AMER3: variants seen among roughly 807,000 people sequenced by gnomAD.
The protein encoded by AMER3 is APC membrane recruitment protein 3, also known as family with sequence similarity 123C.
For missense variants in AMER3, 1,201 were observed against 1,139.4 expected, an observed-to-expected ratio of 1.05 and a Z score of -0.78; for synonymous variants, 541 against 485.5, an observed-to-expected ratio of 1.11 and a Z score of -1.50.
chr2:130,763,039 G>C lies in AMER3; in HGVS notation c.967G>C (p.Ala323Pro). The C allele has an allele frequency of 4.3e-6, 7 of 1,613,134 alleles. No homozygotes were observed. The highest frequency in any genetic ancestry group is 5.9e-6 in the Non-Finnish European group (7 of 1,179,928). ...TCGCTCAGTGCGTCAGCAGCAGCGT[G>C]CCCTCCTAGGCCCGTGGCTTTCAGG... is the stretch of plus-strand genomic sequence containing the variant. The part of the protein sequence containing the change: ...VNRSVRQQQR[A>P]LLGPWLSGPQ... The change falls in exon 2 of 2, where the codon GCC (alanine) becomes CCC (proline). Residue 323 changes from alanine to proline, a missense_variant. By Grantham distance (27) the Ala-to-Pro change is conservative (BLOSUM62 -1). Transcript: ENST00000321420.
At chr2:130,756,331 G>A (rs1016805415) in intron 1 of AMER3, 2 of 150,870 alleles carry the variant, frequency 1.3e-5, no homozygotes, top group African/African-American at 2.4e-5. Context: ...GCTCCGACGC[G>A]GTGCCCGAGC....
chr2:130,762,686 G>A lies in AMER3; in HGVS notation c.614G>A (p.Gly205Asp). 6.2e-7 allele frequency: 1 copy of A among 1,611,406 alleles called. No individual in the cohort carries two copies. The highest frequency in any genetic ancestry group is 8.5e-7 in the Non-Finnish European group (1 of 1,179,832). The change falls in exon 2 of 2, where the codon GGT becomes GAT. Residue 205 changes from glycine (G) to aspartate (D), a missense_variant. Coordinates refer to ENST00000321420, the MANE Select transcript of AMER3 (RefSeq NM_152698.3). ...GRRSKAFLPPGEGPGLDGLCQ... is the reference protein window; with the variant it reads ...GRRSKAFLPPDEGPGLDGLCQ... ...CGAAGCAAAGCCTTCCTCCCCCCGG[G>A]TGAGGGGCCGGGGCTGGACGGCCTG...
At position 130,764,412 on chromosome 2, in the gene AMER3, G is replaced by C. The variant is rs368377961; in HGVS notation, c.2340G>C (p.Glu780Asp). 1.2e-4 allele frequency: 195 copies of C among 1,611,466 alleles called. 1 individual carries two copies. The highest frequency in any genetic ancestry group is 9.5e-4 in the South Asian group (86 of 90,792). Residue 780 changes from glutamate to aspartate, a missense_variant, in exon 2 of 2, where the codon GAG (glutamate) becomes GAC (aspartate). Physicochemically the swap from Glu to Asp is conservative, Grantham distance 45. Transcript: ENST00000321420. ...VEDQPLQLST[E>D]AVEQVAHGSQ... is the part of the protein sequence containing the mutation. ...ACCAGCCCTTGCAGCTCAGCACAGA[G>C]GCTGTGGAGCAGGTGGCACACGGCA...
In AMER3 at chr2:130,763,492, C is replaced by G; in HGVS notation, c.1420C>G (p.Pro474Ala). 1 of 1,612,468 alleles carries G rather than the reference C, an allele frequency of 6.2e-7. No homozygotes were observed. The highest frequency in any genetic ancestry group is 8.5e-7 in the Non-Finnish European group (1 of 1,179,638). Residue 474 changes from proline (P) to alanine (A), a missense_variant, in exon 2 of 2, where the codon CCA (proline) becomes GCA (alanine). Physicochemically the swap from Pro to Ala is conservative, Grantham distance 27 (BLOSUM62 -1). Transcript: ENST00000321420. ...GGCCGAGGAGAACTTGGCCCCAGCACCAGGCCCTGACCTGCTCAGCCAGGG... is the reference window on the plus strand; with the variant it reads ...GGCCGAGGAGAACTTGGCCCCAGCAGCAGGCCCTGACCTGCTCAGCCAGGG... Reference protein sequence around the residue: ...VGAEENLAPAPGPDLLSQGFL... With the variant: ...VGAEENLAPAAGPDLLSQGFL...
At chr2:130,756,598 C>T (rs1020303387) in intron 1 of AMER3, among the ~76,000 whole-genome samples, 2 of 152,108 alleles carry the variant, frequency 1.3e-5, no homozygotes, top group Non-Finnish European at 2.9e-5. Context: ...AGCGGAGAAA[C>T]CCTCCGCCGG....
In AMER3 at chr2:130,763,955, G is replaced by C. The variant is rs749936869; in HGVS notation, c.1883G>C (p.Gly628Ala). 58 of 1,613,654 alleles carry C rather than the reference G, an allele frequency of 3.6e-5. No individual in the cohort carries two copies. The Middle Eastern group carries it at 4.4e-3, about 124-fold the overall frequency. ...GCCACTTCGACAACAGATACTTCCG[G>C]TAAAAATAAGGCCCCAGTTCCTTCT... ...SAATSTTDTS[G>A]KNKAPVPSTW... The change falls in exon 2 of 2, where the codon GGT (glycine) becomes GCT (alanine). Residue 628 changes from glycine to alanine, a missense_variant. Coordinates refer to ENST00000321420, the MANE Select transcript of AMER3 (RefSeq NM_152698.3).
intron 1 of AMER3, among the ~76,000 whole-genome samples, chr2:130,760,035 T>C (rs190993958): frequency 2.0e-5 from 3 of 151,892 alleles, no homozygotes; most frequent in Non-Finnish European, 4.4e-5. Flanking sequence ...TTGTGCAGAG[T>C]AGAAAGTCTG....
Position 130,762,312 on chromosome 2 carries a change from C to T in AMER3, c.240C>T (p.Ala80=), listed in dbSNP as rs755353161. 2.5e-6 allele frequency: 4 copies of T among 1,606,806 alleles called. No homozygotes were observed. Among genetic ancestry groups the T allele is most frequent in the Non-Finnish European group, 2.5e-6 (3 of 1,177,204 alleles). Reference sequence around the variant, plus strand: ...TGGACCCCAAAGGGGGACCCGCAGCCCTCTGTGGAGCCACCTTCAAACCGG... The same window carrying T: ...TGGACCCCAAAGGGGGACCCGCAGCTCTCTGTGGAGCCACCTTCAAACCGG... ...AQLDPKGGPA[A]LCGATFKPVR... is the part of the protein sequence containing the mutation. The change falls in exon 2 of 2, where the codon GCC becomes GCT. Residue 80 remains alanine, a synonymous_variant. Transcript: ENST00000321420.
At position 130,763,479 on chromosome 2, in the gene AMER3, C is replaced by T; in HGVS notation, c.1407C>T (p.Asn469=). ...ICSFRVGAEE[N]LAPAPGPDLL... The stretch of plus-strand genomic sequence containing the variant: ...GCTTCCGAGTGGGGGCCGAGGAGAA[C>T]TTGGCCCCAGCACCAGGCCCTGACC... Residue 469 remains asparagine (N), a synonymous_variant, in exon 2 of 2, where the codon AAC becomes AAT. Transcript: ENST00000321420. 6.2e-7 allele frequency: 1 copy of T among 1,612,600 alleles called. No homozygotes were observed. Among genetic ancestry groups the T allele is most frequent in the Non-Finnish European group, 8.5e-7 (1 of 1,179,664 alleles).
At chr2:130,761,029 C>T (rs576900546) in intron 1 of AMER3, among the ~76,000 whole-genome samples, 1 of 152,300 alleles carries the variant, frequency 6.6e-6, no homozygotes, top group South Asian at 2.1e-4. Context: ...TGCTCCCCAT[C>T]CTCAGTCCAT....
In AMER3 at chr2:130,765,742, C is replaced by A. The variant is rs1261391682; in HGVS notation, c.*1084C>A. On this transcript the variant is annotated 3_prime_UTR_variant, in exon 2 of 2. Transcript: ENST00000321420. ...GCAGTGGAAGAAAAGCCTGTCCCAG[C>A]TCTGAGAGAGAGACCAGTTTGCCTT... 1.8e-5 allele frequency: 3 copies of A among 167,100 alleles called. No homozygotes were observed. Among genetic ancestry groups the A allele is most frequent in the Non-Finnish European group, 4.4e-5 (3 of 68,164 alleles). The allele number at this position is 167,100 out of a possible 1,614,324, so 10.4% of individuals were successfully genotyped here.
chr2:130,759,560 T>A (rs1678716548), intron 1 of AMER3, among the ~76,000 whole-genome samples: 1 of 152,238 alleles, frequency 6.6e-6, no homozygotes. Context: ...CAAAATTTCC[T>A]GCCATAGGAA....
At position 130,763,796 on chromosome 2, in the gene AMER3, C is replaced by T. The variant is rs1387376263; in HGVS notation, c.1724C>T (p.Thr575Ile). Reference sequence around the variant, plus strand: ...GAGCTGTGGGCACACCCGGGCACCACAGGCCTGCTCGCCGGAGAGAGCAAG... The same window carrying T: ...GAGCTGTGGGCACACCCGGGCACCATAGGCCTGCTCGCCGGAGAGAGCAAG... ...RQELWAHPGT[T>I]GLLAGESKAL... Residue 575 changes from threonine (T) to isoleucine (I), a missense_variant, in exon 2 of 2, where the codon ACA becomes ATA. By Grantham distance (89) the Thr-to-Ile change is moderately conservative. Coordinates refer to ENST00000321420, the MANE Select transcript of AMER3 (RefSeq NM_152698.3). The T allele has an allele frequency of 6.2e-6, 10 of 1,610,910 alleles. No individual in the cohort carries two copies. In the South Asian group the frequency reaches 6.6e-5, roughly 11 times the overall value.
intron 1 of AMER3, among the ~76,000 whole-genome samples, chr2:130,760,933 C>A (rs915487821): frequency 5.3e-5 from 8 of 151,916 alleles, no homozygotes; most frequent in African/African-American, 1.9e-4. Flanking sequence ...GAACTCCCTG[C>A]CTGCTTCTCT....
chr2:130,763,358 C>T lies in AMER3; in HGVS notation c.1286C>T (p.Pro429Leu), dbSNP rs551476749. Residue 429 changes from proline (P) to leucine (L), a missense_variant, in exon 2 of 2, where the codon CCC (proline) becomes CTC (leucine). By Grantham distance (98) the Pro-to-Leu change is moderately conservative. Coordinates refer to ENST00000321420, the MANE Select transcript of AMER3 (RefSeq NM_152698.3). ...GCCCTCTACGAGCTCTTCCACGACC[C>T]CAGCGAGGGTCCTCTTGGCCCCAGC... ...GDALYELFHD[P>L]SEGPLGPSPD... 1.7e-5 allele frequency: 27 copies of T among 1,613,326 alleles called. No homozygotes were observed. In the South Asian group the frequency reaches 2.9e-4, roughly 17 times the overall value.
Position 130,762,888 on chromosome 2 carries a change from A to C in AMER3, c.816A>C (p.Pro272=). Residue 272 remains proline, a synonymous_variant, in exon 2 of 2, where the codon CCA becomes CCC. Transcript: ENST00000321420. ...SLELNEGPES[P]TQAAQGLESK... Reference sequence around the variant, plus strand: ...AGCTGAACGAGGGCCCGGAGAGCCCAACCCAGGCTGCTCAGGGCCTGGAGA... The same window carrying C: ...AGCTGAACGAGGGCCCGGAGAGCCCCACCCAGGCTGCTCAGGGCCTGGAGA... The C allele has an allele frequency of 6.2e-7, 1 of 1,613,262 alleles. No homozygotes were observed. Among genetic ancestry groups the C allele is most frequent in the Non-Finnish European group, 8.5e-7 (1 of 1,179,948 alleles).
At position 130,767,679 on chromosome 2, in the gene AMER3, A is replaced by G. The variant is rs1679022634; in HGVS notation, c.*3021A>G. On this transcript the variant is annotated 3_prime_UTR_variant, in exon 2 of 2. Coordinates refer to ENST00000321420, the MANE Select transcript of AMER3 (RefSeq NM_152698.3). ...TCTGAGCCCTCCTCCCAAGACTCAC[A>G]CACAGGACCACAGCAGCATCACTGA... 2 of 167,396 alleles carry G rather than the reference A, an allele frequency of 1.2e-5. No homozygotes were observed. Among genetic ancestry groups the G allele is most frequent in the South Asian group, 4.2e-4 (2 of 4,812 alleles). 10.4% of individuals were successfully genotyped at this position (167,396 alleles called of 1,614,324 possible). A position where few individuals can be genotyped will look rare whatever the true frequency, so the allele number is the denominator to read the frequency against.
chr2:130,758,661 G>C (rs1439329341), intron 1 of AMER3, among the ~76,000 whole-genome samples: 1 of 152,232 alleles, frequency 6.6e-6, no homozygotes, highest in Non-Finnish European at 1.5e-5. Context: ...TCGTTGGGGA[G>C]TGCAATCAAG....
intron 1 of AMER3, among the ~76,000 whole-genome samples, chr2:130,758,783 G>A (rs983107013): frequency 6.6e-6 from 1 of 152,206 alleles, no homozygotes; most frequent in Non-Finnish European, 1.5e-5. Context: ...TGTGGGAGTG[G>A]ACCTGTCATG....
Sources: gnomAD v4.1 joint callset for allele counts (sites outside exome capture counted in the v4.1 genomes callset) on GRCh38, gnomAD v4.1.1 for gene constraint, MANE v1.5 for transcripts, NCBI Gene and HGNC (gene_info 2026-07-23, HGNC 2026-07-21) for gene names.